The following ARHGAP19 variants were observed in gnomAD, a reference collection of about 807,000 sequenced individuals.
The protein encoded by ARHGAP19 is Rho GTPase activating protein 19.
Under a neutral mutation model 60.9 loss-of-function variants are expected in ARHGAP19, and 48 were observed. The observed-to-expected ratio is 0.79, with a 90% CI of 0.62 to 1.00. The LOEUF (loss-of-function observed/expected upper bound fraction) is 1.00. Ranked by LOEUF, ARHGAP19 falls within the 50% of genes least tolerant of loss-of-function variation. The pLI is 0.00. For synonymous variants in ARHGAP19, 209 were observed against 215.5 expected, an observed-to-expected ratio of 0.97 and a Z score of 0.27; for missense variants, 562 against 597.2, an observed-to-expected ratio of 0.94 and a Z score of 0.61.
chr10:97,261,615 T>C (rs1415284039), intron 4 of ARHGAP19, among the ~76,000 whole-genome samples: 3 of 152,204 alleles, frequency 2.0e-5, no homozygotes, highest in Non-Finnish European at 4.4e-5. Flanking sequence ...CATTGCATCA[T>C]TTGGATTGCT....
intron 1 of ARHGAP19, among the ~76,000 whole-genome samples, chr10:97,290,257 CGCT>C (rs1564731618): frequency 6.6e-6 from 1 of 152,182 alleles, no homozygotes; most frequent in East Asian, 1.9e-4. Context: ...GCAGACCCGC[CGCT>C]GACTCCCATC....
At chr10:97,286,383 G>A (rs1204473564) in intron 1 of ARHGAP19, among the ~76,000 whole-genome samples, 2 of 152,236 alleles carry the variant, frequency 1.3e-5, no homozygotes, top group East Asian at 3.8e-4. Context: ...CCTGAGGTCA[G>A]GGGTTTAAGA....
chr10:97,258,834 A>AG (rs1842789984), intron 5 of ARHGAP19: 1 of 152,232 alleles, frequency 6.6e-6, no homozygotes, highest in Non-Finnish European at 1.5e-5. Context: ...TAAAAAAAAA[A>AG]AGAGAGTGAG....
At chr10:97,284,879 T>C (rs1283056656) in intron 1 of ARHGAP19, among the ~76,000 whole-genome samples, 1 of 146,060 alleles carries the variant, frequency 6.8e-6, no homozygotes, top group Non-Finnish European at 1.5e-5. Flanking sequence ...TTTTTTTTCC[T>C]GTGAGACTGA....
At chr10:97,255,670 A>G (rs1454249617) in intron 6 of ARHGAP19, among the ~76,000 whole-genome samples, 1 of 152,148 alleles carries the variant, frequency 6.6e-6, no homozygotes, top group Non-Finnish European at 1.5e-5. Flanking sequence ...TTTTGCTAAA[A>G]CCTTAGAAAC....
intron 6 of ARHGAP19, 116 bp from the exon 7 acceptor site, chr10:97,246,453 G>T: frequency 1.3e-6 from 1 of 788,512 alleles, no homozygotes; most frequent in Non-Finnish European, 2.1e-6. Context: ...CTTTTAAAAA[G>T]CCAAAGATCC....
intron 1 of ARHGAP19, among the ~76,000 whole-genome samples, chr10:97,281,006 C>T (rs952466612): frequency 6.6e-6 from 1 of 152,188 alleles, no homozygotes; most frequent in African/African-American, 2.4e-5. Context: ...CAGAGTGACA[C>T]ATACTATCCA....
chr10:97,259,698 T>C (rs752587448), intron 4 of ARHGAP19, 70 bp from the exon 5 acceptor site: 1 of 1,105,370 alleles, frequency 9.0e-7, no homozygotes, highest in Non-Finnish European at 1.4e-6. Flanking sequence ...CTATCACCAT[T>C]ATCCTCCCCT....
chr10:97,262,842 A>C (rs758902768), intron 4 of ARHGAP19, among the ~76,000 whole-genome samples: 12 of 152,248 alleles, frequency 7.9e-5, no homozygotes, highest in South Asian at 2.1e-4. Flanking sequence ...CACGTTGGGC[A>C]CAGTGGCTCA....
Position 97,266,737 on chromosome 10 carries a change from T to C in ARHGAP19, c.57-612A>G, listed in dbSNP as rs190159700. ...AAGAGGAACAAAGGCACATCTTACATGGCAGCAGGCAAGAGAGTGTGTGAA... is the reference window on the plus strand; with the variant it reads ...AAGAGGAACAAAGGCACATCTTACACGGCAGCAGGCAAGAGAGTGTGTGAA... On this transcript the variant is annotated intron_variant, in intron 1 of 11. Coordinates refer to ENST00000358531, the MANE Select transcript of ARHGAP19 (RefSeq NM_032900.6). Among the ~76,000 whole-genome samples the C allele has an allele frequency of 1.1e-3, 161 of 152,254 alleles. 1 individual carries two copies. Among genetic ancestry groups the C allele is most frequent in the Middle Eastern group, 3.4e-3 (1 of 294 alleles).
intron 6 of ARHGAP19, among the ~76,000 whole-genome samples, chr10:97,250,789 A>T (rs1842633419): frequency 6.6e-6 from 1 of 151,728 alleles, no homozygotes; most frequent in Non-Finnish European, 1.5e-5. Flanking sequence ...AAGAAGGCCA[A>T]GAGCGGTGGC....
intron 4 of ARHGAP19, among the ~76,000 whole-genome samples, chr10:97,262,530 T>C (rs1842844445): frequency 6.6e-6 from 1 of 152,040 alleles, no homozygotes; most frequent in African/African-American, 2.4e-5. Flanking sequence ...CTAGGCGTGG[T>C]AGCGCGTGCC....
Position 97,235,197 on chromosome 10 carries a change from C to T in ARHGAP19, c.1284+20G>A, listed in dbSNP as rs780030215. 4.1e-5 allele frequency: 64 copies of T among 1,569,402 alleles called. No individual in the cohort carries two copies. In the South Asian group the frequency reaches 6.4e-4, roughly 16 times the overall value. On this transcript the variant is annotated intron_variant, in intron 9 of 11. Transcript: ENST00000358531. The stretch of plus-strand genomic sequence containing the variant: ...ATTTCCTAAAAATCAATGCTGAAAA[C>T]GACAGCCCAGCATACCTACCTTAAT...
At chr10:97,283,708 G>A (rs1843117347) in intron 1 of ARHGAP19, among the ~76,000 whole-genome samples, 1 of 151,684 alleles carries the variant, frequency 6.6e-6, no homozygotes, top group Non-Finnish European at 1.5e-5. Context: ...TTAAGACTCA[G>A]AAGGAACCAG....
chr10:97,289,796 G>A (rs975801167), intron 1 of ARHGAP19, among the ~76,000 whole-genome samples: 5 of 151,166 alleles, frequency 3.3e-5, no homozygotes, highest in African/African-American at 1.2e-4. Context: ...TGAGGCTGCA[G>A]GGACCTGTGA....
At chr10:97,286,257 A>G (rs994667047) in intron 1 of ARHGAP19, among the ~76,000 whole-genome samples, 17 of 152,220 alleles carry the variant, frequency 1.1e-4, no homozygotes, top group African/African-American at 3.4e-4. Flanking sequence ...ATTTTTCTCG[A>G]AGGAACACAT....
intron 1 of ARHGAP19, among the ~76,000 whole-genome samples, 175 bp downstream of exon 1, chr10:97,292,397 G>A (rs578163102): frequency 4.3e-4 from 65 of 152,354 alleles, no homozygotes; most frequent in Admixed American, 1.2e-3. Flanking sequence ...TTTGGCTGGA[G>A]TCCAGCGCCC....
chr10:97,256,946 A>C (rs563637666), intron 5 of ARHGAP19, among the ~76,000 whole-genome samples: 402 of 151,976 alleles, frequency 2.6e-3, no homozygotes, highest in Non-Finnish European at 4.7e-3. Flanking sequence ...ACAGTGAAAC[A>C]CCGTCTCTAC....
At chr10:97,239,899 G>A (rs973067720) in intron 8 of ARHGAP19, among the ~76,000 whole-genome samples, 1 of 151,522 alleles carries the variant, frequency 6.6e-6, no homozygotes, top group African/African-American at 2.4e-5. Context: ...TAGAGACGGG[G>A]TTTCTCCATG....
Sources: gnomAD v4.1 joint callset for allele counts (sites outside exome capture counted in the v4.1 genomes callset) on GRCh38, gnomAD v4.1.1 for gene constraint, MANE v1.5 for transcripts, NCBI Gene and HGNC (gene_info 2026-07-23, HGNC 2026-07-21) for gene names.